ITGA8: variants seen among roughly 807,000 people sequenced by gnomAD.
ITGA8 encodes the protein integrin subunit alpha 8.
Under a neutral mutation model 142.3 loss-of-function variants are expected in ITGA8, and 91 were observed. The ratio of observed to expected loss-of-function variants is 0.64; its 90% CI spans 0.54 to 0.76. The LOEUF (loss-of-function observed/expected upper bound fraction) is 0.76, where lower values mean the gene tolerates loss of function less well. Among genes scored for constraint, ITGA8 ranks in the 30% least tolerant of loss-of-function variants. The pLI, the probability that ITGA8 is intolerant of heterozygous loss-of-function variation, is 0.00. For synonymous variants in ITGA8, 505 were observed against 485.2 expected, an observed-to-expected ratio of 1.04 and a Z score of -0.54; for missense variants, 1,406 against 1,327.7, an observed-to-expected ratio of 1.06 and a Z score of -0.92.
chr10:15,549,201 G>GT lies in ITGA8; in HGVS notation c.2767-634dup, dbSNP rs67683436. 1.1e-4 allele frequency among the ~76,000 whole-genome samples: 12 copies of GT among 107,334 alleles called. 1 individual carries two copies. The highest frequency in any genetic ancestry group is 2.7e-4 in the African/African-American group (5 of 18,674). The allele number at this position is 107,334 out of a possible 152,430, so 70.4% of individuals were successfully genotyped here. On this transcript the variant is annotated intron_variant, in intron 26 of 29. Transcript: ENST00000378076. ...TTCTTTCTTTTTTCTTTTCTTTTCT[G>GT]TTTTTTTTTTTTTTTTTTTTTTTTT...
Position 15,516,339 on chromosome 10 carries a change from G to T in ITGA8, c.*819C>A, listed in dbSNP as rs1203208739. The T allele has an allele frequency of 6.6e-6, 1 of 152,138 alleles. No individual in the cohort carries two copies. Among genetic ancestry groups the T allele is most frequent in the Non-Finnish European group, 1.5e-5 (1 of 68,020 alleles). The allele number at this position is 152,138 out of a possible 1,614,324, so 9.4% of individuals were successfully genotyped here. ...GAGTCCCTGGATAATGTGAGTGAAA[G>T]GAATTTCAGATGGAAGGCAGCAAGG... On this transcript the variant is annotated 3_prime_UTR_variant, in exon 30 of 30. Coordinates refer to ENST00000378076, the MANE Select transcript of ITGA8 (RefSeq NM_003638.3).
Position 15,631,770 on chromosome 10 carries a change from A to C in ITGA8, c.1399+12260T>G, listed in dbSNP as rs569419712. Among the ~76,000 whole-genome samples, 3 of 151,636 alleles carry C rather than the reference A, an allele frequency of 2.0e-5. No individual in the cohort carries two copies. In the South Asian group the frequency reaches 6.3e-4, roughly 32 times the overall value. Reference sequence around the variant, plus strand: ...AGGACTCTATGGCACAATTGATAGCACATTGGACTTCTAGCCCCACCCCCC... The same window carrying C: ...AGGACTCTATGGCACAATTGATAGCCCATTGGACTTCTAGCCCCACCCCCC... On this transcript the variant is annotated intron_variant, in intron 13 of 29. Coordinates refer to ENST00000378076, the MANE Select transcript of ITGA8 (RefSeq NM_003638.3).
At chr10:15,647,126 G>A in intron 11 of ITGA8, 75 bp from the exon 12 acceptor site, 5 of 1,092,042 alleles carry the variant, frequency 4.6e-6, no homozygotes, top group South Asian at 1.3e-5. Context: ...TAATCAACTA[G>A]ACTAGTAAAT....
chr10:15,711,360 C>T lies in ITGA8; in HGVS notation c.343+7406G>A, dbSNP rs139778747. ...ACCCCCAGGTGTTGTTATATCAGAC[C>T]CTCCCATAGCCTAAGAGCTTATTGA... On this transcript the variant is annotated intron_variant, in intron 2 of 29. Coordinates refer to ENST00000378076, the MANE Select transcript of ITGA8 (RefSeq NM_003638.3). Among the ~76,000 whole-genome samples the T allele has an allele frequency of 3.2e-4, 49 of 152,108 alleles. No individual in the cohort carries two copies. The East Asian group carries it at 8.5e-3, about 26-fold the overall frequency.
intron 5 of ITGA8, 120 bp from the exon 6 acceptor site, chr10:15,677,757 A>G (rs1336236098): frequency 9.2e-6 from 8 of 866,314 alleles, no homozygotes; most frequent in Admixed American, 2.6e-5. Flanking sequence ...ATAAAAAGCA[A>G]TTTTTAAAAG....
At chr10:15,642,748 G>T (rs961039649) in intron 13 of ITGA8, among the ~76,000 whole-genome samples, 2 of 152,082 alleles carry the variant, frequency 1.3e-5, no homozygotes, top group Non-Finnish European at 2.9e-5. Context: ...TGTCATAAAA[G>T]GTTTATGGCA....
Position 15,616,471 on chromosome 10 carries a change from T to G in ITGA8, c.1445+43A>C, listed in dbSNP as rs780352650. On this transcript the variant is annotated intron_variant, in intron 14 of 29. Coordinates refer to ENST00000378076, the MANE Select transcript of ITGA8 (RefSeq NM_003638.3). ...AGGCAGAACTAACAAGAAAATGTAT[T>G]TGAAACAATGAGAAAAACATTTGAA... The G allele has an allele frequency of 3.3e-5, 48 of 1,460,110 alleles. 1 individual carries two copies. The Admixed American group carries it at 7.9e-4, about 24-fold the overall frequency. 90.4% of individuals were successfully genotyped at this position (1,460,110 alleles called of 1,614,324 possible).
chr10:15,653,079 G>A (rs1172031940), intron 11 of ITGA8, among the ~76,000 whole-genome samples: 1 of 152,204 alleles, frequency 6.6e-6, no homozygotes, highest in African/African-American at 2.4e-5. Context: ...CAGCTCCCCA[G>A]GGTTCACGCT....
At chr10:15,584,178 T>A (rs1055493646) in intron 23 of ITGA8, among the ~76,000 whole-genome samples, 2 of 152,174 alleles carry the variant, frequency 1.3e-5, no homozygotes, top group African/African-American at 4.8e-5. Context: ...GTGCCTGTAA[T>A]CTCAGCCACT....
chr10:15,577,292 C>T (rs1169112693), intron 23 of ITGA8, among the ~76,000 whole-genome samples: 1 of 152,074 alleles, frequency 6.6e-6, no homozygotes, highest in Non-Finnish European at 1.5e-5. Flanking sequence ...GTATTTGAAT[C>T]TTGACAAGTA....
At chr10:15,606,910 G>C (rs1833206127) in intron 17 of ITGA8, among the ~76,000 whole-genome samples, 1 of 152,100 alleles carries the variant, frequency 6.6e-6, no homozygotes, top group African/African-American at 2.4e-5. Flanking sequence ...CAGGATATTT[G>C]AAGTTCTTTT....
intron 13 of ITGA8, among the ~76,000 whole-genome samples, chr10:15,618,585 T>C (rs1194678600): frequency 1.3e-5 from 2 of 152,068 alleles, no homozygotes; most frequent in Non-Finnish European, 2.9e-5. Flanking sequence ...TTTGGGTCAG[T>C]GGACTGGGAA....
intron 13 of ITGA8, among the ~76,000 whole-genome samples, chr10:15,638,352 G>T (rs919368796): frequency 6.6e-6 from 1 of 152,180 alleles, no homozygotes. Context: ...AAGGCAGCCA[G>T]GTTGTGTTAA....
chr10:15,605,370 G>T (rs949193959), intron 19 of ITGA8, among the ~76,000 whole-genome samples: 3 of 152,098 alleles, frequency 2.0e-5, no homozygotes, highest in Non-Finnish European at 2.9e-5. Flanking sequence ...AAAAAGTTTG[G>T]TTGAAGGTGT....
At chr10:15,597,327 G>A in intron 20 of ITGA8, 28 bp from the exon 21 acceptor site, 2 of 1,575,354 alleles carry the variant, frequency 1.3e-6, no homozygotes, top group Non-Finnish European at 1.7e-6. Flanking sequence ...AGGGGGTTTA[G>A]GGGGCAGGAT....
intron 2 of ITGA8, among the ~76,000 whole-genome samples, chr10:15,700,646 G>GA (rs1274950917): frequency 6.6e-6 from 1 of 152,164 alleles, no homozygotes; most frequent in African/African-American, 2.4e-5. Flanking sequence ...CAGAGCGGGA[G>GA]AAAATCTTCA....
intron 2 of ITGA8, among the ~76,000 whole-genome samples, chr10:15,695,038 G>C (rs1187380669): frequency 6.6e-6 from 1 of 152,020 alleles, no homozygotes; most frequent in Non-Finnish European, 1.5e-5. Context: ...AGCTCTGAAC[G>C]GGACCTTCCT....
chr10:15,583,867 A>G (rs1486857315), intron 23 of ITGA8, among the ~76,000 whole-genome samples: 1 of 152,212 alleles, frequency 6.6e-6, no homozygotes, highest in Non-Finnish European at 1.5e-5. Context: ...TGACTTTTCA[A>G]AAACCCCACA....
chr10:15,702,438 C>T (rs964707719), intron 2 of ITGA8, among the ~76,000 whole-genome samples: 1 of 152,028 alleles, frequency 6.6e-6, no homozygotes, highest in Non-Finnish European at 1.5e-5. Context: ...TTACAGGTGG[C>T]CCCCACTGTG....
Sources: gnomAD v4.1 joint callset for allele counts (sites outside exome capture counted in the v4.1 genomes callset) on GRCh38, gnomAD v4.1.1 for gene constraint, MANE v1.5 for transcripts, NCBI Gene and HGNC (gene_info 2026-07-23, HGNC 2026-07-21) for gene names.